Variants in BRAF observed in about 807,000 individuals in gnomAD.
BRAF encodes the protein serine/threonine-protein kinase B-raf.
Under a neutral mutation model 104.6 loss-of-function variants are expected in BRAF, and 16 were observed. The observed-to-expected ratio is 0.15, with a 90% CI of 0.10 to 0.23. The LOEUF is 0.23. BRAF is among the 10% of genes least tolerant of loss of function. The probability of loss-of-function intolerance (pLI) is 1.00; values close to 1 mark genes in which losing one functional copy is unlikely to be tolerated. For missense variants in BRAF, 541 were observed against 937.3 expected (o/e 0.58, Z 5.52); for synonymous variants, 310 against 341.6 (o/e 0.91, Z 1.02).
rs1686526681 is a variant in BRAF at position 140,726,397 on chromosome 7, TA to T, written c.*96del. 6.6e-7 allele frequency: 1 copy of T among 1,508,876 alleles called. No homozygotes were observed. Among genetic ancestry groups the T allele is most frequent in the African/African-American group, 1.4e-5 (1 of 71,410 alleles). 93.5% of individuals were successfully genotyped at this position (1,508,876 alleles called of 1,614,324 possible). A position where few individuals can be genotyped will look rare whatever the true frequency, so the allele number is the denominator to read the frequency against. On this transcript the variant is annotated 3_prime_UTR_variant, in exon 20 of 20. Transcript: ENST00000644969. ...TTATGCATTGGAAATTTTGTATCTT[TA>T]AAAAAAGATTTGAGGAACAGAACTG...
In BRAF at chr7:140,722,872, A is replaced by C; in HGVS notation, c.*3622T>G. On this transcript the variant is annotated 3_prime_UTR_variant, in exon 20 of 20. Transcript: ENST00000644969. ...AACGTACCCCTAAACCGGTTCTGGC[A>C]CCACTTTCAACAACATTCAGATATT... 9.5e-7 allele frequency: 1 copy of C among 1,054,920 alleles called. No individual in the cohort carries two copies. Among genetic ancestry groups the C allele is most frequent in the South Asian group, 4.6e-5 (1 of 21,882 alleles). The allele number at this position is 1,054,920 out of a possible 1,614,324, so 65.3% of individuals were successfully genotyped here.
At chr7:140,914,622 A>T (rs1347564375) in intron 1 of BRAF, among the ~76,000 whole-genome samples, 1 of 152,104 alleles carries the variant, frequency 6.6e-6, no homozygotes, top group Non-Finnish European at 1.5e-5. Flanking sequence ...TTATCTTTTT[A>T]TGGTAAAAAA....
At position 140,724,673 on chromosome 7, in the gene BRAF, T is replaced by C. The variant is rs548572860; in HGVS notation, c.*1821A>G. 6 of 1,034,002 alleles carry C rather than the reference T, an allele frequency of 5.8e-6. No individual in the cohort carries two copies. The highest frequency in any genetic ancestry group is 4.6e-5 in the South Asian group (1 of 21,678). 64.1% of individuals were successfully genotyped at this position (1,034,002 alleles called of 1,614,324 possible). A position where few individuals can be genotyped will look rare whatever the true frequency, so the allele number is the denominator to read the frequency against. On this transcript the variant is annotated 3_prime_UTR_variant, in exon 20 of 20. Transcript: ENST00000644969. ...TAGTGAGCTTTTAGTGGCTGCAATA[T>C]AGACAGCAGGGCCTGGAGTTACAAT...
intron 14 of BRAF, among the ~76,000 whole-genome samples, chr7:140,772,051 G>A (rs904675887): frequency 2.6e-5 from 4 of 152,086 alleles, no homozygotes; most frequent in Admixed American, 1.3e-4. Context: ...GGTATGTAAG[G>A]AATTCCATCT....
intron 1 of BRAF, among the ~76,000 whole-genome samples, chr7:140,881,249 C>T (rs1812871942): frequency 6.6e-6 from 1 of 152,180 alleles, no homozygotes; most frequent in Non-Finnish European, 1.5e-5. Flanking sequence ...GATAAATGAG[C>T]ACTGACTTCA....
At chr7:140,748,871 G>C (rs1473381055) in intron 17 of BRAF, 1 of 155,388 alleles carries the variant, frequency 6.4e-6, no homozygotes, top group Non-Finnish European at 1.4e-5. Context: ...AAAAATTAAA[G>C]ATTTCAAGAA....
At chr7:140,837,681 ACAC>A (rs1266230836) in intron 2 of BRAF, among the ~76,000 whole-genome samples, 1 of 152,200 alleles carries the variant, frequency 6.6e-6, no homozygotes, top group Non-Finnish European at 1.5e-5. Context: ...CTGGTCCTTC[ACAC>A]TACTGCCTGA....
At chr7:140,884,271 A>C (rs1412453304) in intron 1 of BRAF, 1 of 151,990 alleles carries the variant, frequency 6.6e-6, no homozygotes, top group Non-Finnish European at 1.5e-5. Flanking sequence ...AGTTTTTGGA[A>C]ATACGGAGAA....
At chr7:140,904,952 C>T (rs1816132803) in intron 1 of BRAF, among the ~76,000 whole-genome samples, 1 of 151,366 alleles carries the variant, frequency 6.6e-6, no homozygotes, top group South Asian at 2.1e-4. Context: ...TAACATGAAG[C>T]TTTAAAAATT....
chr7:140,734,369 C>T, intron 19 of BRAF: 1 of 1,373,024 alleles, frequency 7.3e-7, no homozygotes. Context: ...GAGGCTCTGC[C>T]AATTTTTAGC....
Position 140,835,003 on chromosome 7 carries a change from T to C in BRAF, c.241-131A>G, listed in dbSNP as rs1356683563. The C allele has an allele frequency of 4.1e-6, 4 of 987,396 alleles. No individual in the cohort carries two copies. The African/African-American group carries it at 6.5e-5, about 16-fold the overall frequency. The allele number at this position is 987,396 out of a possible 1,614,324, so 61.2% of individuals were successfully genotyped here. On this transcript the variant is annotated intron_variant, in intron 2 of 19. Coordinates refer to ENST00000644969, the MANE Select transcript of BRAF (RefSeq NM_001374258.1). ...GGGTTTTAAGTTTCAAATTACAAAA[T>C]AAGTGCCAGAAATACTATAAATGAA...
chr7:140,779,653 C>T (rs1242926933), intron 12 of BRAF, among the ~76,000 whole-genome samples: 1 of 152,180 alleles, frequency 6.6e-6, no homozygotes, highest in African/African-American at 2.4e-5. Context: ...CCCAACCTGG[C>T]CAGGTGTGCT....
intron 9 of BRAF, among the ~76,000 whole-genome samples, chr7:140,786,395 A>T (rs2129030202): frequency 6.6e-6 from 1 of 152,346 alleles, no homozygotes. Flanking sequence ...GTCAACTCTA[A>T]GCATGATAAG....
At chr7:140,875,366 G>T (rs1305237822) in intron 1 of BRAF, among the ~76,000 whole-genome samples, 2 of 152,126 alleles carry the variant, frequency 1.3e-5, no homozygotes, top group Non-Finnish European at 2.9e-5. Flanking sequence ...TGTTGAAAAT[G>T]AAACACAAAA....
rs1174501929 is a variant in BRAF, at chr7:140,725,412, T to C, written c.*1082A>G. 3 of 950,864 alleles carry C rather than the reference T, an allele frequency of 3.2e-6. No individual in the cohort carries two copies. The highest frequency in any genetic ancestry group is 3.8e-6 in the Non-Finnish European group (3 of 781,658). The allele number at this position is 950,864 out of a possible 1,614,324, so 58.9% of individuals were successfully genotyped here. ...ATACAATTTTCAGGATATATAATTC[T>C]GGTGGGAAGTATTGTTTTTTTCCAA... is the stretch of plus-strand genomic sequence containing the variant. On this transcript the variant is annotated 3_prime_UTR_variant, in exon 20 of 20. Coordinates refer to ENST00000644969, the MANE Select transcript of BRAF (RefSeq NM_001374258.1).
rs887106638 is a variant in BRAF at position 140,778,183 on chromosome 7, T to A, written c.1553-108A>T. ...TATCATAGCCCTAACTCCATACCAT[T>A]ATTAAATCACAAATAAATTATACTT... On this transcript the variant is annotated intron_variant, in intron 12 of 19. Transcript: ENST00000644969. 13 of 939,232 alleles carry A rather than the reference T, an allele frequency of 1.4e-5. 1 individual carries two copies. Among genetic ancestry groups the A allele is most frequent in the East Asian group, 2.6e-5 (1 of 37,982 alleles). 58.2% of individuals were successfully genotyped at this position (939,232 alleles called of 1,614,324 possible).
At chr7:140,910,888 G>C (rs1816895641) in intron 1 of BRAF, among the ~76,000 whole-genome samples, 1 of 151,958 alleles carries the variant, frequency 6.6e-6, no homozygotes, top group Non-Finnish European at 1.5e-5. Context: ...TGATCTCAAA[G>C]TCCTGGCTTC....
At chr7:140,790,487 AATATCT>A (rs1801839958) in intron 8 of BRAF, among the ~76,000 whole-genome samples, 2 of 152,200 alleles carry the variant, frequency 1.3e-5, no homozygotes, top group South Asian at 2.1e-4. Context: ...TTTCTGCTCT[AATATCT>A]ATAACTATTT....
intron 14 of BRAF, among the ~76,000 whole-genome samples, chr7:140,766,520 G>C (rs1799342458): frequency 1.3e-5 from 2 of 152,010 alleles, no homozygotes; most frequent in South Asian, 4.1e-4. Flanking sequence ...CTTCCACATA[G>C]ATTCCACAAA....
Sources: allele counts gnomAD v4.1 joint callset (sites outside exome capture counted in the v4.1 genomes callset), GRCh38; gene constraint gnomAD v4.1.1; transcripts MANE v1.5; gene names NCBI Gene and HGNC (gene_info 2026-07-23, HGNC 2026-07-21).